The following SCN2B variants were observed in gnomAD, a reference collection of about 807,000 sequenced individuals.
SCN2B encodes the protein sodium channel regulatory subunit beta-2.
In SCN2B, 14 loss-of-function variants were observed where a neutral mutation model predicts 18.2. The ratio of observed to expected loss-of-function variants is 0.77; its 90% CI spans 0.51 to 1.21. The LOEUF is 1.21. SCN2B is among the 50% of genes most tolerant of loss of function. The probability of loss-of-function intolerance (pLI) is 0.00; values close to 1 mark genes in which losing one functional copy is unlikely to be tolerated. For synonymous variants in SCN2B, 115 were observed against 115.3 expected (o/e 1.00, Z 0.02); for missense variants, 262 against 286.9 (o/e 0.91, Z 0.63).
At position 118,168,490 on chromosome 11, in the gene SCN2B, C is replaced by T. The variant is rs1948404400; in HGVS notation, c.237+95G>A. The T allele has an allele frequency of 1.3e-6, 2 of 1,542,996 alleles. No homozygotes were observed. Among genetic ancestry groups the T allele is most frequent in the Admixed American group, 3.3e-5 (2 of 59,894 alleles). On this transcript the variant is annotated intron_variant, in intron 2 of 3. Coordinates refer to ENST00000278947, the MANE Select transcript of SCN2B (RefSeq NM_004588.5). The surrounding 1 kb of genome is among the most constrained non-coding windows in gnomAD (Gnocchi z 4.7). ...CAGCCCACCCAGGGTCCTCTGGGGC[C>T]CTAGCGCAGTGCCGGGGCCGGTGGT...
At position 118,165,278 on chromosome 11, in the gene SCN2B, T is replaced by C. The variant is rs931296403; in HGVS notation, c.*1609A>G. The C allele has an allele frequency of 1.3e-5, 2 of 152,516 alleles. No individual in the cohort carries two copies. Among genetic ancestry groups the C allele is most frequent in the Non-Finnish European group, 2.9e-5 (2 of 68,010 alleles). The allele number at this position is 152,516 out of a possible 1,614,324, so 9.4% of individuals were successfully genotyped here. A position where few individuals can be genotyped will look rare whatever the true frequency, so the allele number is the denominator to read the frequency against. On this transcript the variant is annotated 3_prime_UTR_variant, in exon 4 of 4. Transcript: ENST00000278947. ...CCAGAGAAGAGGGCAGGACCCTCAG[T>C]TTCTGTCAGTTGGAACCTCAGTTTC...
At chr11:118,171,603 A>C (rs1450187995) in intron 1 of SCN2B, among the ~76,000 whole-genome samples, 1 of 152,382 alleles carries the variant, frequency 6.6e-6, no homozygotes, top group South Asian at 2.1e-4. Context: ...AGCCCAAGGC[A>C]GTGCTCCAGA....
At chr11:118,174,189 C>T (rs569818075) in intron 1 of SCN2B, among the ~76,000 whole-genome samples, 1 of 145,508 alleles carries the variant, frequency 6.9e-6, no homozygotes, top group Non-Finnish European at 1.5e-5. Context: ...ATCCTCCCAC[C>T]TCGGCCTCCC....
intron 1 of SCN2B, among the ~76,000 whole-genome samples, chr11:118,175,683 AC>A (rs1948463792): frequency 6.6e-6 from 1 of 152,066 alleles, no homozygotes; most frequent in Non-Finnish European, 1.5e-5. Context: ...AAGGGCTGCA[AC>A]CTCGCTCAGC....
intron 1 of SCN2B, among the ~76,000 whole-genome samples, chr11:118,174,091 C>CTTTTTTTTTTCT (rs1948449565): frequency 3.0e-5 from 2 of 66,626 alleles, no homozygotes; most frequent in African/African-American, 1.3e-4. Flanking sequence ...TTTTTCTTTT[C>CTTTTTTTTTTCT]TTTTTTTTTT....
chr11:118,174,681 C>A (rs1202750122), intron 1 of SCN2B, among the ~76,000 whole-genome samples: 1 of 152,156 alleles, frequency 6.6e-6, no homozygotes, highest in African/African-American at 2.4e-5. Flanking sequence ...ACCATCTCCC[C>A]ACCCCAAACA....
intron 1 of SCN2B, among the ~76,000 whole-genome samples, chr11:118,172,986 C>T (rs755457716): frequency 3.3e-5 from 5 of 151,842 alleles, no homozygotes; most frequent in Admixed American, 6.6e-5. Flanking sequence ...CCCGTATCTC[C>T]GCACCTGCAC....
rs1438171097 is a variant in SCN2B, at chr11:118,166,855, G to A, written c.*32C>T. On this transcript the variant is annotated 3_prime_UTR_variant, in exon 4 of 4. Coordinates refer to ENST00000278947, the MANE Select transcript of SCN2B (RefSeq NM_004588.5). ...GTACAGGGCGGAGAGGGGAGGAGAC[G>A]GGACACGGGAGGCTGCAGGGCCGGC... The A allele has an allele frequency of 5.2e-5, 84 of 1,612,284 alleles. No homozygotes were observed. The highest frequency in any genetic ancestry group is 1.6e-4 in the Middle Eastern group (1 of 6,084).
intron 1 of SCN2B, among the ~76,000 whole-genome samples, chr11:118,171,057 C>A (rs558755622): frequency 1.3e-5 from 2 of 152,288 alleles, no homozygotes; most frequent in African/African-American, 4.8e-5. Flanking sequence ...CAGCCCCGCC[C>A]CTGGCCCGAG....
chr11:118,172,007 G>A (rs1454243729), intron 1 of SCN2B, among the ~76,000 whole-genome samples: 2 of 152,162 alleles, frequency 1.3e-5, no homozygotes, highest in Non-Finnish European at 2.9e-5. Context: ...ATATCTCCAC[G>A]TAAGCCTGTG....
In SCN2B at chr11:118,166,902, A is replaced by G. The variant is rs1948387541; in HGVS notation, c.633T>C (p.Asp211=). ...CGGCCACCCACTACTTGGCGCCATCATCCGGGTTGCCTTCACCGTCCGTCT... is the reference window on the plus strand; with the variant it reads ...CGGCCACCCACTACTTGGCGCCATCGTCCGGGTTGCCTTCACCGTCCGTCT... ...EGKTDGEGNP[D]DGAK is the part of the protein sequence containing the mutation. Residue 211 remains aspartate (D), a synonymous_variant, in exon 4 of 4, where the codon GAT becomes GAC. Coordinates refer to ENST00000278947, the MANE Select transcript of SCN2B (RefSeq NM_004588.5). 6.2e-7 allele frequency: 1 copy of G among 1,613,886 alleles called. No homozygotes were observed.
chr11:118,174,605 G>A (rs1353581865), intron 1 of SCN2B, among the ~76,000 whole-genome samples: 1 of 152,166 alleles, frequency 6.6e-6, no homozygotes, highest in Admixed American at 6.5e-5. Context: ...TCAAGTTCAA[G>A]TTCAAGGTCC....
At chr11:118,172,368 C>T (rs961001821) in intron 1 of SCN2B, among the ~76,000 whole-genome samples, 1 of 152,224 alleles carries the variant, frequency 6.6e-6, no homozygotes, top group Non-Finnish European at 1.5e-5. Context: ...CCCAAGTTCA[C>T]GGCTAGTAAG....
At chr11:118,176,339 G>A (rs766041839) in intron 1 of SCN2B, 23 bp downstream of exon 1, 12 of 1,606,208 alleles carry the variant, frequency 7.5e-6, no homozygotes, top group Non-Finnish European at 7.7e-6. Flanking sequence ...ACCCTCGGGA[G>A]CATGCAGATG....
In SCN2B at chr11:118,176,366, A is replaced by G; in HGVS notation, c.66T>C (p.Ser22=). Residue 22 remains serine (S), a synonymous_variant, in exon 1 of 4, where the codon TCT becomes TCC. Coordinates refer to ENST00000278947, the MANE Select transcript of SCN2B (RefSeq NM_004588.5). ...ATGCAGATGTGTCTAACTTACCCAA[A>G]GAGAAAAAGAGACTGAGCCCCGTGA... ...FSLTGLSLFF[S]LVPPGRSMEV... 6.2e-7 allele frequency: 1 copy of G among 1,613,806 alleles called. No homozygotes were observed. Among genetic ancestry groups the G allele is most frequent in the Middle Eastern group, 1.7e-4 (1 of 6,060 alleles).
chr11:118,169,007 C>T (rs1468215030), intron 1 of SCN2B, among the ~76,000 whole-genome samples: 1 of 152,128 alleles, frequency 6.6e-6, no homozygotes, highest in Non-Finnish European at 1.5e-5. Context: ...GTGATCCTCT[C>T]ACCTCAGCCT....
In SCN2B at chr11:118,168,360, A is replaced by C. The variant is rs1262097057; in HGVS notation, c.238-65T>G. Reference sequence around the variant, plus strand: ...GCAAGGAACTACAAGGACAGTGAGGATGCCCCCTCTTCCCATCCACCCTTT... The same window carrying C: ...GCAAGGAACTACAAGGACAGTGAGGCTGCCCCCTCTTCCCATCCACCCTTT... On this transcript the variant is annotated intron_variant, in intron 2 of 3. Coordinates refer to ENST00000278947, the MANE Select transcript of SCN2B (RefSeq NM_004588.5). This position sits in a 1 kb window ranked among gnomAD's most constrained non-coding sequence, Gnocchi z 4.7. The C allele has an allele frequency of 2.7e-6, 4 of 1,455,890 alleles. No individual in the cohort carries two copies. Among genetic ancestry groups the C allele is most frequent in the East Asian group, 2.3e-5 (1 of 44,166 alleles). The allele number at this position is 1,455,890 out of a possible 1,614,324, so 90.2% of individuals were successfully genotyped here. A position where few individuals can be genotyped will look rare whatever the true frequency, so the allele number is the denominator to read the frequency against.
chr11:118,171,492 T>C (rs1019340727), intron 1 of SCN2B, among the ~76,000 whole-genome samples: 1 of 151,826 alleles, frequency 6.6e-6, no homozygotes, highest in Admixed American at 6.5e-5. Flanking sequence ...CCTCTAGCTC[T>C]TCCCTTGGAA....
chr11:118,169,251 T>C (rs529068773), intron 1 of SCN2B, among the ~76,000 whole-genome samples: 1 of 152,206 alleles, frequency 6.6e-6, no homozygotes, highest in South Asian at 2.1e-4. Flanking sequence ...GCCTCAAGCC[T>C]TTTCTAGAAC....
Sources: allele counts gnomAD v4.1 joint callset (sites outside exome capture counted in the v4.1 genomes callset), GRCh38; gene constraint gnomAD v4.1.1; non-coding constraint Gnocchi (gnomAD v3.1); transcripts MANE v1.5; gene names NCBI Gene and HGNC (gene_info 2026-07-23, HGNC 2026-07-21).